The following ATN1 variants were observed in gnomAD, a reference collection of about 807,000 sequenced individuals.
ATN1 encodes the protein atrophin 1, also known as atrophin-1.
In ATN1, 19 loss-of-function variants were observed where a neutral mutation model predicts 85.8. The ratio of observed to expected loss-of-function variants is 0.22; its 90% CI spans 0.15 to 0.32. ATN1 has a LOEUF of 0.32. Ranked by LOEUF, ATN1 falls within the 10% of genes least tolerant of loss-of-function variation. The pLI is 1.00. For synonymous variants in ATN1, 674 were observed against 657.0 expected (o/e 1.03, Z -0.39); for missense variants, 1,453 against 1,564.5 (o/e 0.93, Z 1.20).
In ATN1 at chr12:6,938,484, T is replaced by C; in HGVS notation, c.2521T>C (p.Leu841=). 3 of 1,601,840 alleles carry C rather than the reference T, an allele frequency of 1.9e-6. No homozygotes were observed. Among genetic ancestry groups the C allele is most frequent in the Middle Eastern group, 1.7e-4 (1 of 6,020 alleles). ...KERELERSVK[L]AQEGRAPVEC... Reference sequence around the variant, plus strand: ...CACTTTTCCCTGTATCCCACAGAAGTTGGCTCAGGAGGGCCGTGCTCCGGT... The same window carrying C: ...CACTTTTCCCTGTATCCCACAGAAGCTGGCTCAGGAGGGCCGTGCTCCGGT... Residue 841 remains leucine, a synonymous_variant, in exon 7 of 10, where the codon TTG becomes CTG. Transcript: ENST00000396684.
At chr12:6,938,093 C>A in intron 6 of ATN1, 26 bp downstream of exon 6, 14 of 1,527,310 alleles carry the variant, frequency 9.2e-6, no homozygotes, top group Non-Finnish European at 1.2e-5. Context: ...CCTGCGCCAC[C>A]GCCTTCTTTC....
Position 6,936,044 on chromosome 12 carries a change from C to T in ATN1, c.777C>T (p.Pro259=), listed in dbSNP as rs1555143557. The change falls in exon 5 of 10, where the codon CCC becomes CCT. Residue 259 remains proline (P), a synonymous_variant. Transcript: ENST00000396684. The part of the protein sequence containing the change: ...GGKQHPPPTT[P]ISVSSSGASG... ...AGCAGCACCCCCCACCCACTACTCC[C>T]ATTTCAGTATCAAGCTCTGGGGCTA... The T allele has an allele frequency of 2.5e-6, 4 of 1,575,052 alleles. No homozygotes were observed. Among genetic ancestry groups the T allele is most frequent in the Non-Finnish European group, 2.6e-6 (3 of 1,161,348 alleles).
At chr12:6,939,247 T>C in intron 7 of ATN1, 70 bp downstream of exon 7, 1 of 1,493,290 alleles carries the variant, frequency 6.7e-7, no homozygotes, top group Non-Finnish European at 8.9e-7. Flanking sequence ...GGCTCTTTCA[T>C]TCCTATGGCC....
Position 6,938,927 on chromosome 12 carries a change from T to G in ATN1, c.2964T>G (p.Pro988=), listed in dbSNP as rs782394950. ...AGCCTGGCCCACCTGGCCTGCACCC[T>G]TTCCCCTTTCATCCGAGCCTGGGGC... ...ALQPGPPGLH[P]FPFHPSLGPL... Residue 988 remains proline (P), a synonymous_variant, in exon 7 of 10, where the codon CCT becomes CCG. Coordinates refer to ENST00000396684, the MANE Select transcript of ATN1 (RefSeq NM_001940.4). The G allele has an allele frequency of 5.0e-6, 8 of 1,613,940 alleles. No individual in the cohort carries two copies. In the East Asian group the frequency reaches 1.8e-4, roughly 36 times the overall value.
At position 6,936,843 on chromosome 12, in the gene ATN1, C is replaced by T; in HGVS notation, c.1576C>T (p.His526Tyr). The change falls in exon 5 of 10, where the codon CAC (histidine) becomes TAC (tyrosine). Residue 526 changes from histidine (H) to tyrosine (Y), a missense_variant. Transcript: ENST00000396684. ...PHPLEGGSSH[H>Y]AHPYAMSPSL... ...CCCACTGGAGGGCGGTAGCTCCCACCACGCACACCCTTACGCCATGTCTCC... is the reference window on the plus strand; with the variant it reads ...CCCACTGGAGGGCGGTAGCTCCCACTACGCACACCCTTACGCCATGTCTCC... 6.2e-7 allele frequency: 1 copy of T among 1,614,006 alleles called. No homozygotes were observed. Among genetic ancestry groups the T allele is most frequent in the Non-Finnish European group, 8.5e-7 (1 of 1,179,970 alleles).
Position 6,937,430 on chromosome 12 carries a change from G to T in ATN1, c.2163G>T (p.Leu721=). 2 of 1,547,490 alleles carry T rather than the reference G, an allele frequency of 1.3e-6. No homozygotes were observed. Among genetic ancestry groups the T allele is most frequent in the Non-Finnish European group, 8.7e-7 (1 of 1,147,380 alleles). Reference sequence around the variant, plus strand: ...CGGCCCCTGCCTCAGGGCCGCCCCTGAGCGCCACGCAGATCAAACAGGAGC... The same window carrying T: ...CGGCCCCTGCCTCAGGGCCGCCCCTTAGCGCCACGCAGATCAAACAGGAGC... ...PPAAPASGPP[L]SATQIKQEPA... is the part of the protein sequence containing the mutation. The change falls in exon 5 of 10, where the codon CTG becomes CTT. Residue 721 remains leucine (L), a synonymous_variant. Coordinates refer to ENST00000396684, the MANE Select transcript of ATN1 (RefSeq NM_001940.4). The surrounding 1 kb of genome is among the most constrained non-coding windows in gnomAD (Gnocchi z 6.0).
Position 6,933,996 on chromosome 12 carries a change from T to A in ATN1, c.-6T>A. The A allele has an allele frequency of 1.2e-6, 2 of 1,602,972 alleles. No individual in the cohort carries two copies. The highest frequency in any genetic ancestry group is 1.7e-6 in the Non-Finnish European group (2 of 1,175,106). On this transcript the variant is annotated 5_prime_UTR_variant, in exon 2 of 10. Transcript: ENST00000396684. ...AGAGGAGAATGGGGTCTCCACAGCC[T>A]GAAGAATGAAGACACGACAGAATAA... is the stretch of plus-strand genomic sequence containing the variant.
At chr12:6,939,218 C>G in intron 7 of ATN1, 41 bp downstream of exon 7, 2 of 1,548,916 alleles carry the variant, frequency 1.3e-6, no homozygotes, top group South Asian at 2.4e-5. Context: ...TTGGGGCCAC[C>G]TTCCCCCTAT....
At chr12:6,930,557 A>G (rs2138203065) in intron 1 of ATN1, among the ~76,000 whole-genome samples, 1 of 152,272 alleles carries the variant, frequency 6.6e-6, no homozygotes, top group African/African-American at 2.4e-5. Context: ...GCACTTTGGG[A>G]GGCTGAGGCG....
chr12:6,933,597 A>AGGT (rs1458828351), intron 1 of ATN1, among the ~76,000 whole-genome samples: 2 of 152,180 alleles, frequency 1.3e-5, no homozygotes, highest in Non-Finnish European at 2.9e-5. Flanking sequence ...TGGGGCTTGT[A>AGGT]GGTACATCCG....
intron 7 of ATN1, among the ~76,000 whole-genome samples, chr12:6,940,033 G>C (rs1945612921): frequency 6.6e-6 from 1 of 152,274 alleles, no homozygotes; most frequent in Non-Finnish European, 1.5e-5. Flanking sequence ...CCAAGCTGGA[G>C]TGCAGTGGCG....
At position 6,937,773 on chromosome 12, in the gene ATN1, G is replaced by A. The variant is rs186377994; in HGVS notation, c.2295-72G>A. On this transcript the variant is annotated intron_variant, in intron 5 of 9. Coordinates refer to ENST00000396684, the MANE Select transcript of ATN1 (RefSeq NM_001940.4). The surrounding 1 kb of genome is among the most constrained non-coding windows in gnomAD (Gnocchi z 6.0). ...GAGGCGGGGGCTACAAGCACTCGCC[G>A]GGGCCGCGGCGCTGCGGGCTCCATC... The A allele has an allele frequency of 4.8e-6, 7 of 1,471,470 alleles. No individual in the cohort carries two copies. The East Asian group carries it at 1.0e-4, about 21-fold the overall frequency. 91.2% of individuals were successfully genotyped at this position (1,471,470 alleles called of 1,614,324 possible).
At chr12:6,940,721 C>T (rs782220374) in intron 7 of ATN1, among the ~76,000 whole-genome samples, 159 bp from the exon 8 acceptor site, 1 of 152,328 alleles carries the variant, frequency 6.6e-6, no homozygotes, top group Admixed American at 6.5e-5. Flanking sequence ...AGCCTGTCCA[C>T]CCCTGCCAGG....
chr12:6,942,046 C>A lies in ATN1; in HGVS notation c.*266C>A, dbSNP rs964555443. The A allele has an allele frequency of 1.2e-4, 67 of 538,092 alleles. 3 individuals carry two copies. Among genetic ancestry groups the A allele is most frequent in the Middle Eastern group, 9.7e-4 (2 of 2,052 alleles). The allele number at this position is 538,092 out of a possible 1,614,324, so 33.3% of individuals were successfully genotyped here. The stretch of plus-strand genomic sequence containing the variant: ...AGGTCTCTCTTCCTTGTCCCCCCTG[C>A]TTTTCTCCTCCCCCATGCCCAACCC... On this transcript the variant is annotated 3_prime_UTR_variant, in exon 10 of 10. Transcript: ENST00000396684.
At chr12:6,930,667 G>A (rs1945450058) in intron 1 of ATN1, among the ~76,000 whole-genome samples, 1 of 152,168 alleles carries the variant, frequency 6.6e-6, no homozygotes, top group East Asian at 1.9e-4. Flanking sequence ...GTGGTGGCGG[G>A]CGCCTGTAGT....
chr12:6,934,446 TTC>T lies in ATN1; in HGVS notation c.166-15_166-14del, dbSNP rs782374779. The T allele has an allele frequency of 1.9e-6, 3 of 1,595,918 alleles. No individual in the cohort carries two copies. The highest frequency in any genetic ancestry group is 1.1e-5 in the South Asian group (1 of 89,090). On this transcript the variant is annotated splice_polypyrimidine_tract_variant and intron_variant, in intron 3 of 9. Transcript: ENST00000396684. The surrounding 1 kb of genome is among the most constrained non-coding windows in gnomAD (Gnocchi z 4.5). Reference sequence around the variant, plus strand: ...GGGAGGTAGGGAAAAGACAGGAATTTTCTCTTTCTCTCTAACAGAAGGCCCGA... The same window carrying T: ...GGGAGGTAGGGAAAAGACAGGAATTTTCTTTCTCTCTAACAGAAGGCCCGA...
Position 6,936,873 on chromosome 12 carries a change from C to T in ATN1, c.1606C>T (p.Leu536=), listed in dbSNP as rs782550558. ...ACACCCTTACGCCATGTCTCCCTCCCTGGGGTCTCTGAGGCCCTACCCACC... is the reference window on the plus strand; with the variant it reads ...ACACCCTTACGCCATGTCTCCCTCCTTGGGGTCTCTGAGGCCCTACCCACC... ...HAHPYAMSPS[L]GSLRPYPPGP... is the part of the protein sequence containing the mutation. Residue 536 remains leucine, a synonymous_variant, in exon 5 of 10, where the codon CTG becomes TTG. Transcript: ENST00000396684. The T allele has an allele frequency of 7.4e-6, 12 of 1,613,946 alleles. No individual in the cohort carries two copies. The Admixed American group carries it at 8.3e-5, about 11-fold the overall frequency.
At position 6,934,181 on chromosome 12, in the gene ATN1, A is replaced by AAGG; in HGVS notation, c.34_35insGGA (p.Ser11_Met12insArg). On this transcript the variant is annotated inframe_insertion, in exon 3 of 10. Transcript: ENST00000396684. This position sits in a 1 kb window ranked among gnomAD's most constrained non-coding sequence, Gnocchi z 4.5. The stretch of plus-strand genomic sequence containing the variant: ...CCTCCTTCCTCCTCCTGTAGATGTC[A>AAGG]ATGAGGAGTGGACGGAAGAAAGAGG... The AAGG allele has an allele frequency of 2.5e-6, 4 of 1,612,488 alleles. No homozygotes were observed. The highest frequency in any genetic ancestry group is 3.4e-6 in the Non-Finnish European group (4 of 1,179,548).
chr12:6,926,585 T>C (rs1466260728), upstream of ATN1, among the ~76,000 whole-genome samples: 1 of 152,030 alleles, frequency 6.6e-6, no homozygotes, highest in Non-Finnish European at 1.5e-5. Context: ...AGGATTCTCC[T>C]GCCTCAGCCT....
Sources: gnomAD v4.1 joint callset for allele counts (sites outside exome capture counted in the v4.1 genomes callset) on GRCh38, gnomAD v4.1.1 for gene constraint, Gnocchi (gnomAD v3.1) non-coding constraint, MANE v1.5 for transcripts, NCBI Gene and HGNC (gene_info 2026-07-23, HGNC 2026-07-21) for gene names.